The following CLCN5 variants were observed in gnomAD, a reference collection of about 807,000 sequenced individuals.
CLCN5 encodes the protein H(+)/Cl(-) exchange transporter 5.
CLCN5 carries 17 observed loss-of-function variants against 54.0 expected under a neutral mutation model. That is an observed-to-expected ratio of 0.31 (90% confidence interval 0.22 to 0.47). The LOEUF is 0.47. Ranked by LOEUF, CLCN5 falls within the 20% of genes least tolerant of loss-of-function variation. The pLI is 1.00. For missense variants in CLCN5, 448 were observed against 646.7 expected (o/e 0.69, Z 3.33); for synonymous variants, 222 against 233.0 (o/e 0.95, Z 0.43).
In CLCN5 at chrX:50,010,116, C is replaced by T. The variant is rs904382775; in HGVS notation, c.17-32200C>T. Among the ~76,000 whole-genome samples the T allele has an allele frequency of 2.7e-5, 3 of 111,872 alleles. No individual in the cohort carries two copies. In the Admixed American group the frequency reaches 2.8e-4, roughly 11 times the overall value. On this transcript the variant is annotated intron_variant, in intron 3 of 14. Transcript: ENST00000376091. ...ACCCACCCATAAGTGTGAGTCTTCT[C>T]ATTCCTGCTGTCACATTGATACTTG...
rs927384191 is a variant in CLCN5 at position 50,088,366 on chromosome X, C to G, written c.1558-332C>G. 2.6e-4 allele frequency: 68 copies of G among 259,062 alleles called. 2 individuals are homozygous for G. In the South Asian group the frequency reaches 4.2e-3, roughly 16 times the overall value. The allele number at this position is 259,062 out of a possible 1,213,427, so 21.3% of individuals were successfully genotyped here. ...AAGAATTCAAAATTGGTGGAAATGT[C>G]TGCATATATGAGAAACTCCATCTAT... On this transcript the variant is annotated intron_variant, in intron 11 of 14. Transcript: ENST00000376091.
At chrX:50,077,230 G>A (rs1933439834) in intron 7 of CLCN5, among the ~76,000 whole-genome samples, 1 of 110,913 alleles carries the variant, frequency 9.0e-6, no homozygotes, top group Non-Finnish European at 1.9e-5. Context: ...TCTTGGCTTA[G>A]GTAAAGGGTT....
chrX:49,954,603 G>A (rs1369531361), intron 3 of CLCN5, among the ~76,000 whole-genome samples: 1 of 110,897 alleles, frequency 9.0e-6, no homozygotes, highest in African/African-American at 3.3e-5. Flanking sequence ...AGGGGTCTAA[G>A]GGGGTGCTTG....
chrX:49,941,348 A>G, intron 3 of CLCN5, among the ~76,000 whole-genome samples: 1 of 111,286 alleles, frequency 9.0e-6, no homozygotes, highest in East Asian at 2.8e-4. Flanking sequence ...GAGTACTCAT[A>G]AATGATAGCT....
At chrX:50,056,007 G>A (rs1932731578) in intron 4 of CLCN5, among the ~76,000 whole-genome samples, 1 of 102,497 alleles carries the variant, frequency 9.8e-6, no homozygotes, top group Non-Finnish European at 2.0e-5. Context: ...GTGCACAGGT[G>A]CAACTGTGTC....
chrX:50,056,446 T>A (rs1392888845), intron 4 of CLCN5, among the ~76,000 whole-genome samples: 3 of 110,983 alleles, frequency 2.7e-5, no homozygotes, highest in Non-Finnish European at 5.7e-5. Flanking sequence ...AGTAAGGGAG[T>A]GGGGCGCTGT....
At chrX:49,986,019 CTTAAT>C (rs1928980383) in intron 3 of CLCN5, among the ~76,000 whole-genome samples, 1 of 111,671 alleles carries the variant, frequency 9.0e-6, no homozygotes, top group African/African-American at 3.2e-5. Context: ...ACCTTAATTT[CTTAAT>C]TTATCTTGTG....
chrX:49,939,666 C>T (rs111860621), intron 3 of CLCN5, among the ~76,000 whole-genome samples: 4,075 of 110,474 alleles, frequency 0.037, 194 homozygotes, highest in African/African-American at 0.13. Flanking sequence ...GGAGGGATAG[C>T]ATTAGGAGGT....
intron 11 of CLCN5, among the ~76,000 whole-genome samples, chrX:50,087,465 G>A (rs1557194154): frequency 8.9e-6 from 1 of 111,858 alleles, no homozygotes; most frequent in African/African-American, 3.3e-5. Flanking sequence ...ACATCAGGCT[G>A]GCACGTTTTA....
chrX:49,990,173 T>G (rs968367948), intron 3 of CLCN5, among the ~76,000 whole-genome samples: 4 of 105,692 alleles, frequency 3.8e-5, no homozygotes, highest in Non-Finnish European at 7.8e-5. Flanking sequence ...ATGTGGATAA[T>G]TTTTTTTTTT....
chrX:49,985,745 G>A (rs1928964629), intron 3 of CLCN5, among the ~76,000 whole-genome samples: 1 of 110,690 alleles, frequency 9.0e-6, no homozygotes, highest in Non-Finnish European at 1.9e-5. Flanking sequence ...CTTTTTATTT[G>A]CATTAACAAA....
chrX:50,023,048 C>T (rs1209836266), intron 3 of CLCN5, among the ~76,000 whole-genome samples: 2 of 93,302 alleles, frequency 2.1e-5, no homozygotes, highest in Non-Finnish European at 3.9e-5. Flanking sequence ...CTTTCTGTTT[C>T]GTTGATCTGT....
At chrX:50,016,452 C>T (rs943362014) in intron 3 of CLCN5, among the ~76,000 whole-genome samples, 1 of 109,912 alleles carries the variant, frequency 9.1e-6, no homozygotes, top group African/African-American at 3.3e-5. Context: ...CCCCAGTTTC[C>T]GCTATTAACA....
At chrX:50,026,415 T>C (rs1557185014) in intron 3 of CLCN5, among the ~76,000 whole-genome samples, 1 of 111,894 alleles carries the variant, frequency 8.9e-6, no homozygotes, top group Non-Finnish European at 1.9e-5. Flanking sequence ...GGTTTACCTG[T>C]GTCTTTACTG....
chrX:49,924,451 G>A (rs985755816), intron 2 of CLCN5, among the ~76,000 whole-genome samples: 1 of 112,026 alleles, frequency 8.9e-6, no homozygotes, highest in Admixed American at 9.4e-5. Context: ...CACCGCACCC[G>A]GCCCCTAACT....
chrX:49,989,011 G>A (rs782674125), intron 3 of CLCN5, among the ~76,000 whole-genome samples: 2 of 110,669 alleles, frequency 1.8e-5, no homozygotes, highest in Non-Finnish European at 3.8e-5. Context: ...ACTATACAAG[G>A]CTATACTTAA....
chrX:50,076,119 T>G, intron 7 of CLCN5, 137 bp downstream of exon 7: 1 of 576,150 alleles, frequency 1.7e-6, no homozygotes, highest in Non-Finnish European at 3.0e-6. Context: ...ACCAGCTGCC[T>G]TTCTCTGTGG....
At chrX:49,936,539 A>G (rs1409543003) in intron 3 of CLCN5, among the ~76,000 whole-genome samples, 2 of 112,096 alleles carry the variant, frequency 1.8e-5, no homozygotes, top group Non-Finnish European at 3.8e-5. Flanking sequence ...GTTGGTACCA[A>G]TTATGGCACT....
At chrX:49,930,694 G>A (rs1183525382) in intron 3 of CLCN5, among the ~76,000 whole-genome samples, 4 of 111,577 alleles carry the variant, frequency 3.6e-5, no homozygotes, top group African/African-American at 6.5e-5. Context: ...TGGCCTTACA[G>A]AACCTGCATA....
Sources: allele counts gnomAD v4.1 joint callset (sites outside exome capture counted in the v4.1 genomes callset), GRCh38; gene constraint gnomAD v4.1.1; transcripts MANE v1.5; gene names NCBI Gene and HGNC (gene_info 2026-07-23, HGNC 2026-07-21).